The following EDNRA variants were observed in gnomAD, a reference collection of about 807,000 sequenced individuals.
EDNRA encodes endothelin-1 receptor.
EDNRA carries 11 observed loss-of-function variants against 41.4 expected under a neutral mutation model. The observed-to-expected ratio is 0.27, with a 90% CI of 0.17 to 0.44. The LOEUF (loss-of-function observed/expected upper bound fraction) is 0.44, where lower values mean the gene tolerates loss of function less well. EDNRA is among the 20% of genes least tolerant of loss of function. The pLI, the probability that EDNRA is intolerant of heterozygous loss-of-function variation, is 1.00. For synonymous variants in EDNRA, 172 were observed against 183.0 expected, an observed-to-expected ratio of 0.94 and a Z score of 0.49; for missense variants, 294 against 531.0, an observed-to-expected ratio of 0.55 and a Z score of 4.39.
chr4:147,481,528 G>T (rs1728756611), intron 1 of EDNRA, among the ~76,000 whole-genome samples, 152 bp downstream of exon 1: 1 of 152,244 alleles, frequency 6.6e-6, no homozygotes, highest in Non-Finnish European at 1.5e-5. Flanking sequence ...CGCAGCAGGG[G>T]CTGGCACCCA....
chr4:147,494,127 A>G (rs186924469), intron 2 of EDNRA: 1 of 152,318 alleles, frequency 6.6e-6, no homozygotes, highest in East Asian at 1.9e-4. Context: ...ACTAGAAGGC[A>G]ATAAAGATGG....
intron 5 of EDNRA, among the ~76,000 whole-genome samples, chr4:147,539,357 TCA>T (rs1731021476): frequency 6.6e-6 from 1 of 152,164 alleles, no homozygotes; most frequent in African/African-American, 2.4e-5. Flanking sequence ...CATGTGATGT[TCA>T]GTCTCCTTGC....
chr4:147,492,807 C>A (rs1729184215), intron 2 of EDNRA: 1 of 152,004 alleles, frequency 6.6e-6, no homozygotes, highest in East Asian at 1.9e-4. Context: ...AATTTATTAG[C>A]CAATTTGCTG....
intron 3 of EDNRA, among the ~76,000 whole-genome samples, chr4:147,532,148 TAAAAAA>T (rs61086622): frequency 8.7e-6 from 1 of 114,642 alleles, no homozygotes; most frequent in African/African-American, 3.1e-5. Flanking sequence ...CCGTCTCTAC[TAAAAAA>T]AAAAAAAAAA....
At chr4:147,532,792 A>ACTTGACATTGTGGCG in intron 4 of EDNRA, 88 bp downstream of exon 4, 2 of 1,346,570 alleles carry the variant, frequency 1.5e-6, no homozygotes, top group Non-Finnish European at 2.1e-6. Flanking sequence ...ACATCGCCAC[A>ACTTGACATTGTGGCG]ATGTCAAGTG....
At chr4:147,530,662 G>A (rs1730710775) in intron 3 of EDNRA, among the ~76,000 whole-genome samples, 1 of 152,022 alleles carries the variant, frequency 6.6e-6, no homozygotes, top group African/African-American at 2.4e-5. Flanking sequence ...TCATCTCTAG[G>A]GAATTCTGGT....
chr4:147,484,089 C>T (rs190672104), intron 1 of EDNRA, among the ~76,000 whole-genome samples: 17 of 152,122 alleles, frequency 1.1e-4, no homozygotes, highest in East Asian at 3.9e-4. Flanking sequence ...CACACACCAC[C>T]GCATAAATCA....
intron 2 of EDNRA, among the ~76,000 whole-genome samples, chr4:147,504,204 C>A (rs138651699): frequency 6.6e-6 from 1 of 152,110 alleles, no homozygotes; most frequent in Non-Finnish European, 1.5e-5. Flanking sequence ...TTCTTTGATA[C>A]GACATCAAAA....
At chr4:147,481,715 T>C (rs1185221477) in intron 1 of EDNRA, among the ~76,000 whole-genome samples, 8 of 152,234 alleles carry the variant, frequency 5.3e-5, no homozygotes, top group Non-Finnish European at 1.2e-4. Context: ...GCAAGAACTT[T>C]GAGGAACGCC....
intron 1 of EDNRA, among the ~76,000 whole-genome samples, chr4:147,482,040 T>C (rs1728778838): frequency 3.3e-5 from 5 of 152,036 alleles, no homozygotes; most frequent in Admixed American, 3.3e-4. Flanking sequence ...CCTGATAGAG[T>C]TGGGGGTGGG....
At chr4:147,520,605 G>T (rs1445564090) in intron 3 of EDNRA, among the ~76,000 whole-genome samples, 1 of 152,162 alleles carries the variant, frequency 6.6e-6, no homozygotes, top group Non-Finnish European at 1.5e-5. Flanking sequence ...TTTACCTTCT[G>T]GTTTTCATAG....
chr4:147,530,024 T>C (rs10029799), intron 3 of EDNRA, among the ~76,000 whole-genome samples: 52,599 of 152,048 alleles, frequency 0.35, 10,898 homozygotes, highest in African/African-American at 0.58. Flanking sequence ...AAATGACTTC[T>C]ACTTATTTGT....
At chr4:147,537,317 A>G (rs1730950308) in intron 5 of EDNRA, among the ~76,000 whole-genome samples, 3 of 152,222 alleles carry the variant, frequency 2.0e-5, no homozygotes, top group African/African-American at 7.2e-5. Flanking sequence ...AATGGTAGCT[A>G]TTATCTTTCA....
In EDNRA at chr4:147,485,723, G is replaced by A; in HGVS notation, c.42G>A (p.Leu14=). The change falls in exon 2 of 8, where the codon CTG becomes CTA. Residue 14 remains leucine, a synonymous_variant. Coordinates refer to ENST00000651419, the MANE Select transcript of EDNRA (RefSeq NM_001957.4). ...TCAGGGCATCCTTTTGGCTGGCACT[G>A]GTTGGATGTGTAATCAGTGATAATC... The part of the protein sequence containing the change: ...LCLRASFWLA[L]VGCVISDNPE... The A allele has an allele frequency of 6.2e-7, 1 of 1,613,538 alleles. No homozygotes were observed. The highest frequency in any genetic ancestry group is 8.5e-7 in the Non-Finnish European group (1 of 1,179,686).
At chr4:147,530,102 G>A (rs1185071901) in intron 3 of EDNRA, among the ~76,000 whole-genome samples, 1 of 152,194 alleles carries the variant, frequency 6.6e-6, no homozygotes, top group Non-Finnish European at 1.5e-5. Context: ...TTATAAAAAT[G>A]AAGTTGGTCT....
At chr4:147,534,268 T>A (rs1730846218) in intron 4 of EDNRA, among the ~76,000 whole-genome samples, 1 of 152,228 alleles carries the variant, frequency 6.6e-6, no homozygotes. Flanking sequence ...GGAGTGTTCG[T>A]GTTGCACTTC....
chr4:147,502,902 C>CT (rs1306972696), intron 2 of EDNRA, among the ~76,000 whole-genome samples: 1 of 151,952 alleles, frequency 6.6e-6, no homozygotes, highest in African/African-American at 2.4e-5. Flanking sequence ...GATATGACTG[C>CT]TTTTTTTCAT....
chr4:147,524,443 A>T lies in EDNRA; in HGVS notation c.548+4465A>T, dbSNP rs570680536. Among the ~76,000 whole-genome samples, 43 of 152,246 alleles carry T rather than the reference A, an allele frequency of 2.8e-4. 1 individual carries two copies. Among genetic ancestry groups the T allele is most frequent in the Middle Eastern group, 6.8e-3 (2 of 294 alleles). Reference sequence around the variant, plus strand: ...AGAAATAAGATGTTCCATCACGATAAATAGTTGTGTATCAAATGAAATGTG... The same window carrying T: ...AGAAATAAGATGTTCCATCACGATATATAGTTGTGTATCAAATGAAATGTG... On this transcript the variant is annotated intron_variant, in intron 3 of 7. Transcript: ENST00000651419.
chr4:147,539,126 C>T (rs1272495724), intron 5 of EDNRA, among the ~76,000 whole-genome samples: 2 of 151,810 alleles, frequency 1.3e-5, no homozygotes, highest in Non-Finnish European at 2.9e-5. Context: ...GCTGATAATC[C>T]TTTACCCTCA....
Sources: allele counts gnomAD v4.1 joint callset (sites outside exome capture counted in the v4.1 genomes callset), GRCh38; gene constraint gnomAD v4.1.1; transcripts MANE v1.5; gene names NCBI Gene and HGNC (gene_info 2026-07-23, HGNC 2026-07-21).